The following COL24A1 variants were observed in gnomAD, a reference collection of about 807,000 sequenced individuals.
The protein encoded by COL24A1 is collagen alpha-1(XXIV) chain.
Under a neutral mutation model 253.9 loss-of-function variants are expected in COL24A1, and 224 were observed. The ratio of observed to expected loss-of-function variants is 0.88; its 90% confidence interval spans 0.79 to 0.99. The LOEUF is 0.99. Among genes scored for constraint, COL24A1 ranks in the 50% least tolerant of loss-of-function variants. The pLI, the probability that COL24A1 is intolerant of heterozygous loss-of-function variation, is 0.00. For synonymous variants in COL24A1, 685 were observed against 673.7 expected (o/e 1.02, Z -0.26); for missense variants, 2,131 against 2,068.5 (o/e 1.03, Z -0.59).
chr1:85,811,135 T>C (rs1392973054), intron 47 of COL24A1, among the ~76,000 whole-genome samples: 7 of 152,212 alleles, frequency 4.6e-5, no homozygotes, highest in Admixed American at 4.6e-4. Context: ...CTTTCATTCC[T>C]TTTTAAGGCT....
intron 4 of COL24A1, among the ~76,000 whole-genome samples, chr1:86,114,752 C>A (rs531366404): frequency 2.0e-5 from 3 of 152,162 alleles, no homozygotes; most frequent in South Asian, 2.1e-4. Context: ...TCATACAATT[C>A]TTTTTCTAGC....
intron 19 of COL24A1, among the ~76,000 whole-genome samples, chr1:85,990,543 C>T (rs567009493): frequency 9.8e-5 from 15 of 152,352 alleles, no homozygotes; most frequent in African/African-American, 3.4e-4. Context: ...CTGCCACTCA[C>T]TTCCTGCTGT....
intron 57 of COL24A1, among the ~76,000 whole-genome samples, chr1:85,742,702 A>C (rs1433791497): frequency 6.6e-6 from 1 of 152,104 alleles, no homozygotes; most frequent in Non-Finnish European, 1.5e-5. Context: ...TTACAGAAAA[A>C]AAAAAAAAAC....
chr1:86,017,345 A>G, intron 18 of COL24A1, 141 bp from the exon 19 acceptor site: 1 of 731,566 alleles, frequency 1.4e-6, no homozygotes, highest in African/African-American at 1.9e-5. Context: ...TTTTAGAAAA[A>G]TTTGTAACCA....
intron 2 of COL24A1, among the ~76,000 whole-genome samples, chr1:86,141,380 G>A (rs890306967): frequency 6.6e-6 from 1 of 152,116 alleles, no homozygotes; most frequent in Non-Finnish European, 1.5e-5. Context: ...TGACATAGAA[G>A]CATTGAATCA....
chr1:85,847,972 T>G (rs1309108046), intron 38 of COL24A1, among the ~76,000 whole-genome samples, 200 bp from the exon 39 acceptor site: 1 of 152,114 alleles, frequency 6.6e-6, no homozygotes, highest in Non-Finnish European at 1.5e-5. Flanking sequence ...AAATAAAAAT[T>G]TTGACCAAAC....
At position 85,730,340 on chromosome 1, in the gene COL24A1, A is replaced by T; in HGVS notation, c.*206T>A. 1 of 415,162 alleles carries T rather than the reference A, an allele frequency of 2.4e-6. No homozygotes were observed. The highest frequency in any genetic ancestry group is 4.2e-6 in the Non-Finnish European group (1 of 237,632). 25.7% of individuals were successfully genotyped at this position (415,162 alleles called of 1,614,324 possible). A position where few individuals can be genotyped will look rare whatever the true frequency, so the allele number is the denominator to read the frequency against. ...GAAAGCTGAGATGAATATAATTTTT[A>T]AAAGAATTAAATACTTTATCAATCA... On this transcript the variant is annotated 3_prime_UTR_variant, in exon 60 of 60. Transcript: ENST00000370571.
chr1:85,865,361 T>A (rs1230437253), intron 37 of COL24A1, among the ~76,000 whole-genome samples: 1 of 151,888 alleles, frequency 6.6e-6, no homozygotes. Flanking sequence ...TTTTATTGAG[T>A]TTACAAGCTG....
chr1:86,034,041 CAACA>C (rs929375240), intron 12 of COL24A1, 118 bp from the exon 13 acceptor site: 27 of 665,660 alleles, frequency 4.1e-5, no homozygotes, highest in Admixed American at 1.6e-4. Flanking sequence ...AACTGTAATG[CAACA>C]AACATTCTTT....
rs1386904249 is a variant in COL24A1 at position 85,974,393 on chromosome 1, A to G, written c.2365-3000T>C. ...GCACATCTATATAGTGGGTTATACT[A>G]TAAAATGTAAATTAAGAATGAACCT... On this transcript the variant is annotated intron_variant, in intron 20 of 59. Transcript: ENST00000370571. Among the ~76,000 whole-genome samples, 14 of 152,196 alleles carry G rather than the reference A, an allele frequency of 9.2e-5. No homozygotes were observed. The East Asian group carries it at 2.7e-3, about 29-fold the overall frequency.
intron 7 of COL24A1, among the ~76,000 whole-genome samples, chr1:86,080,136 C>T (rs1455074349): frequency 6.6e-6 from 1 of 152,128 alleles, no homozygotes; most frequent in Non-Finnish European, 1.5e-5. Flanking sequence ...ATGGATGGAA[C>T]TGGAGGCCAT....
chr1:85,784,068 T>C, intron 50 of COL24A1, 45 bp downstream of exon 50: 2 of 1,458,814 alleles, frequency 1.4e-6, no homozygotes, highest in South Asian at 2.5e-5. Context: ...ACAGCTCTTT[T>C]ATTTCTAGAT....
At chr1:85,970,794 A>T (rs561607329) in intron 21 of COL24A1, among the ~76,000 whole-genome samples, 2 of 152,354 alleles carry the variant, frequency 1.3e-5, no homozygotes, top group Admixed American at 1.3e-4. Context: ...TCTAGTATAT[A>T]TGAGTGAGAT....
chr1:85,945,799 T>A (rs1017271179), intron 24 of COL24A1, among the ~76,000 whole-genome samples: 2 of 151,952 alleles, frequency 1.3e-5, no homozygotes, highest in Non-Finnish European at 2.9e-5. Flanking sequence ...TTGAGAGGAA[T>A]ATTAATATAG....
intron 5 of COL24A1, among the ~76,000 whole-genome samples, chr1:86,104,187 G>A (rs1249933085): frequency 6.6e-6 from 1 of 151,906 alleles, no homozygotes; most frequent in African/African-American, 2.4e-5. Flanking sequence ...ACATGTGATT[G>A]TATTATGAAA....
chr1:85,834,002 C>A (rs12745753), intron 43 of COL24A1, among the ~76,000 whole-genome samples: 53,233 of 148,390 alleles, frequency 0.36, 10,397 homozygotes, highest in Non-Finnish European at 0.43. Flanking sequence ...GCATTAGGAG[C>A]TATACCTAAT....
At chr1:85,908,336 A>T (rs946832466) in intron 27 of COL24A1, among the ~76,000 whole-genome samples, 1 of 151,660 alleles carries the variant, frequency 6.6e-6, no homozygotes, top group African/African-American at 2.4e-5. Flanking sequence ...CTGTTTCCTT[A>T]TATGTGGTTA....
At chr1:86,108,655 A>T (rs1705241837) in intron 5 of COL24A1, among the ~76,000 whole-genome samples, 1 of 148,976 alleles carries the variant, frequency 6.7e-6, no homozygotes, top group East Asian at 2.0e-4. Flanking sequence ...AAAAAATTTT[A>T]AATTAGCCAG....
chr1:85,945,013 T>TTTTTTG (rs1558752237), intron 24 of COL24A1, among the ~76,000 whole-genome samples: 2 of 79,334 alleles, frequency 2.5e-5, no homozygotes, highest in East Asian at 4.3e-4. Context: ...TTTTTTTTTT[T>TTTTTTG]TTTTTTTTTT....
Sources: allele counts gnomAD v4.1 joint callset (sites outside exome capture counted in the v4.1 genomes callset), GRCh38; gene constraint gnomAD v4.1.1; transcripts MANE v1.5; gene names NCBI Gene and HGNC (gene_info 2026-07-23, HGNC 2026-07-21).